Variants in STXBP5 observed in about 807,000 individuals in gnomAD.
STXBP5 encodes syntaxin-binding protein 5.
In STXBP5, 50 loss-of-function variants were observed where a neutral mutation model predicts 152.4. The observed-to-expected ratio is 0.33, with a 90% CI of 0.26 to 0.42. The LOEUF is 0.42. Among genes scored for constraint, STXBP5 ranks in the 10% least tolerant of loss-of-function variants. The pLI is 1.00. For synonymous variants in STXBP5, 492 were observed against 494.7 expected (o/e 0.99, Z 0.07); for missense variants, 1,167 against 1,388.6 (o/e 0.84, Z 2.54).
intron 14 of STXBP5, 115 bp downstream of exon 14, chr6:147,314,751 AT>A (rs1782558447): frequency 1.4e-6 from 1 of 694,930 alleles, no homozygotes; most frequent in African/African-American, 1.8e-5. Flanking sequence ...GAGGTTATAA[AT>A]TTAATGCTTG....
In STXBP5 at chr6:147,306,892, G is replaced by A. The variant is rs1025688577; in HGVS notation, c.918-3192G>A. Among the ~76,000 whole-genome samples the A allele has an allele frequency of 3.3e-5, 5 of 152,142 alleles. No individual in the cohort carries two copies. The East Asian group carries it at 5.8e-4, about 18-fold the overall frequency. On this transcript the variant is annotated intron_variant, in intron 9 of 27. Transcript: ENST00000321680. ...TCAGCCTACCACTGAGCCTTGTATT[G>A]ATCTTCATAATATTAATACCTATCA... is the stretch of plus-strand genomic sequence containing the variant.
At chr6:147,293,732 C>A (rs1050906227) in intron 9 of STXBP5, among the ~76,000 whole-genome samples, 11 of 152,154 alleles carry the variant, frequency 7.2e-5, no homozygotes, top group African/African-American at 2.7e-4. Context: ...CCTCATTGGC[C>A]AGGTTAGGTC....
At chr6:147,347,820 G>A (rs967770480) in intron 21 of STXBP5, among the ~76,000 whole-genome samples, 1 of 152,156 alleles carries the variant, frequency 6.6e-6, no homozygotes, top group African/African-American at 2.4e-5. Context: ...GTAAGGAAAA[G>A]CAAATGTTTA....
In STXBP5 at chr6:147,313,797, T is replaced by C. The variant is rs1247978016; in HGVS notation, c.1146-87T>C. 5 of 824,786 alleles carry C rather than the reference T, an allele frequency of 6.1e-6. No homozygotes were observed. In the Admixed American group the frequency reaches 1.5e-4, roughly 25 times the overall value. 51.1% of individuals were successfully genotyped at this position (824,786 alleles called of 1,614,324 possible). ...TCAATTTAATCTCTATGATAGAATGTATGTTTTTTAAAGTTTTTATTTTTG... is the reference window on the plus strand; with the variant it reads ...TCAATTTAATCTCTATGATAGAATGCATGTTTTTTAAAGTTTTTATTTTTG... On this transcript the variant is annotated intron_variant, in intron 11 of 27. Transcript: ENST00000321680.
In STXBP5 at chr6:147,297,694, T is replaced by C. The variant is rs566061297; in HGVS notation, c.917+6522T>C. ...AATAAGGAGATATATAACAAAAATG[T>C]TACTTTGTTGAGAGAAGGGTTGAGA... On this transcript the variant is annotated intron_variant, in intron 9 of 27. Transcript: ENST00000321680. Among the ~76,000 whole-genome samples the C allele has an allele frequency of 3.3e-5, 5 of 152,172 alleles. No individual in the cohort carries two copies. In the South Asian group the frequency reaches 1.0e-3, roughly 32 times the overall value.
chr6:147,329,617 CTTTTTTT>C (rs34913817), intron 18 of STXBP5, among the ~76,000 whole-genome samples: 4 of 71,706 alleles, frequency 5.6e-5, no homozygotes, highest in East Asian at 1.0e-3. Flanking sequence ...GTTCTTCAGG[CTTTTTTT>C]TTTTTTTTTT....
At chr6:147,211,480 CTTAAT>C (rs1776851593) in intron 2 of STXBP5, among the ~76,000 whole-genome samples, 1 of 151,788 alleles carries the variant, frequency 6.6e-6, no homozygotes, top group Non-Finnish European at 1.5e-5. Flanking sequence ...TGACTTGCTA[CTTAAT>C]TTTATTATAT....
chr6:147,205,903 T>TA, intron 1 of STXBP5, 68 bp from the exon 2 acceptor site: 1 of 1,218,922 alleles, frequency 8.2e-7, no homozygotes, highest in East Asian at 2.3e-5. Flanking sequence ...CTAACGCCTC[T>TA]ATTGACTTTC....
intron 3 of STXBP5, among the ~76,000 whole-genome samples, chr6:147,236,916 C>T (rs889390565): frequency 7.9e-5 from 12 of 151,762 alleles, no homozygotes; most frequent in African/African-American, 1.5e-4. Flanking sequence ...GTAGCTGGGA[C>T]GACAGGTGCT....
chr6:147,267,857 T>A (rs561397531), intron 7 of STXBP5, among the ~76,000 whole-genome samples: 1 of 152,200 alleles, frequency 6.6e-6, no homozygotes, highest in South Asian at 2.1e-4. Context: ...CCAGTGGTGG[T>A]TGAGGCCGAG....
intron 21 of STXBP5, among the ~76,000 whole-genome samples, chr6:147,349,605 A>G (rs1254016437): frequency 6.6e-6 from 1 of 152,178 alleles, no homozygotes; most frequent in Non-Finnish European, 1.5e-5. Context: ...GGTCTTAGAT[A>G]AGTGTTCCAG....
Position 147,384,956 on chromosome 6 carries a change from G to A in STXBP5, c.*201G>A, listed in dbSNP as rs1378130970. ...ACGCACTCGAAATGGAGTATATGGT[G>A]TGTGCCAGTTATGAGTTGACCATTT... On this transcript the variant is annotated 3_prime_UTR_variant, in exon 28 of 28. Transcript: ENST00000321680. 1.7e-6 allele frequency: 1 copy of A among 581,260 alleles called. No individual in the cohort carries two copies. Among genetic ancestry groups the A allele is most frequent in the Non-Finnish European group, 3.1e-6 (1 of 323,760 alleles). The allele number at this position is 581,260 out of a possible 1,614,324, so 36.0% of individuals were successfully genotyped here. A position where few individuals can be genotyped will look rare whatever the true frequency, so the allele number is the denominator to read the frequency against.
In STXBP5 at chr6:147,309,439, G is replaced by A. The variant is rs1212599385; in HGVS notation, c.918-645G>A. ...TTAATAGTTTTTGAAAATGAGTCTA[G>A]ATAAATAATTTAGGTTTAATAATGA... is the stretch of plus-strand genomic sequence containing the variant. On this transcript the variant is annotated intron_variant, in intron 9 of 27. Transcript: ENST00000321680. Among the ~76,000 whole-genome samples, 4 of 152,092 alleles carry A rather than the reference G, an allele frequency of 2.6e-5. No homozygotes were observed. In the South Asian group the frequency reaches 8.3e-4, roughly 32 times the overall value.
intron 25 of STXBP5, among the ~76,000 whole-genome samples, chr6:147,368,919 TA>T (rs1323498127): frequency 6.6e-6 from 1 of 151,886 alleles, no homozygotes; most frequent in Non-Finnish European, 1.5e-5. Context: ...TGAAAAACTA[TA>T]AAATATTAAT....
intron 21 of STXBP5, among the ~76,000 whole-genome samples, chr6:147,350,162 A>G (rs1489269356): frequency 6.6e-6 from 1 of 152,200 alleles, no homozygotes; most frequent in Non-Finnish European, 1.5e-5. Context: ...TGTTGAAACT[A>G]GACTAACTGA....
At chr6:147,376,371 C>T (rs1471356789) in intron 26 of STXBP5, among the ~76,000 whole-genome samples, 2 of 151,412 alleles carry the variant, frequency 1.3e-5, no homozygotes, top group African/African-American at 2.4e-5. Flanking sequence ...ACAGTCATTC[C>T]GAAACAAAGC....
intron 2 of STXBP5, among the ~76,000 whole-genome samples, chr6:147,216,938 A>G (rs1186261017): frequency 6.6e-6 from 1 of 152,252 alleles, no homozygotes; most frequent in African/African-American, 2.4e-5. Context: ...GTTTTAAACA[A>G]TTGGAGGTGT....
Position 147,315,605 on chromosome 6 carries a change from A to G in STXBP5, c.1493A>G (p.Asp498Gly), listed in dbSNP as rs1481429268. Residue 498 changes from aspartate to glycine, a missense_variant, in exon 15 of 28, where the codon GAT (aspartate) becomes GGT (glycine). This residue lies in a region of STXBP5 where 833 missense variants were observed against 986.3 expected (regional missense o/e 0.84). Coordinates refer to ENST00000321680, the MANE Select transcript of STXBP5 (RefSeq NM_001127715.4). ...GACAGGCCAAACACAGACATTGTAGATGAAGATCCATATGCCATTCAGATC... is the reference window on the plus strand; with the variant it reads ...GACAGGCCAAACACAGACATTGTAGGTGAAGATCCATATGCCATTCAGATC... ...KDDRPNTDIV[D>G]EDPYAIQIIS... 3.1e-6 allele frequency: 5 copies of G among 1,613,854 alleles called. No homozygotes were observed. Among genetic ancestry groups the G allele is most frequent in the African/African-American group, 1.3e-5 (1 of 74,920 alleles).
intron 4 of STXBP5, among the ~76,000 whole-genome samples, chr6:147,241,445 C>G (rs1419714124): frequency 6.6e-6 from 1 of 152,148 alleles, no homozygotes; most frequent in African/African-American, 2.4e-5. Context: ...ACCTGTTTAT[C>G]CATACCCCTG....
Sources: allele counts gnomAD v4.1 joint callset (sites outside exome capture counted in the v4.1 genomes callset), GRCh38; gene constraint gnomAD v4.1.1; regional missense constraint gnomAD v4.1.1; transcripts MANE v1.5; gene names NCBI Gene and HGNC (gene_info 2026-07-23, HGNC 2026-07-21).